TCERG1L: variants seen among roughly 807,000 people sequenced by gnomAD.
TCERG1L encodes transcription elongation regulator 1 like.
In TCERG1L, 37 loss-of-function variants were observed where a neutral mutation model predicts 56.3. That is an observed-to-expected ratio of 0.66 (90% confidence interval 0.51 to 0.87). The LOEUF (loss-of-function observed/expected upper bound fraction) is 0.87, where lower values mean the gene tolerates loss of function less well. Ranked by LOEUF, TCERG1L falls within the 40% of genes least tolerant of loss-of-function variation. TCERG1L has a pLI of 0.00. For missense variants in TCERG1L, 799 were observed against 774.2 expected, an observed-to-expected ratio of 1.03 and a Z score of -0.38; for synonymous variants, 324 against 326.3, an observed-to-expected ratio of 0.99 and a Z score of 0.08.
intron 3 of TCERG1L, among the ~76,000 whole-genome samples, chr10:131,270,497 C>T (rs2133552529): frequency 6.6e-6 from 1 of 152,328 alleles, no homozygotes; most frequent in South Asian, 2.1e-4. Flanking sequence ...ACAAGGATGG[C>T]TTATAAAAAT....
chr10:131,300,252 T>A (rs999291944), intron 3 of TCERG1L, among the ~76,000 whole-genome samples: 8 of 152,218 alleles, frequency 5.3e-5, no homozygotes, highest in African/African-American at 1.9e-4. Context: ...TATGGTTTGC[T>A]GAACTTCTTG....
chr10:131,104,772 A>G (rs141345044), intron 9 of TCERG1L, among the ~76,000 whole-genome samples: 375 of 152,214 alleles, frequency 2.5e-3, no homozygotes, highest in Admixed American at 5.4e-3. Context: ...TCAAAGTTTA[A>G]CCTCTTTTAG....
intron 4 of TCERG1L, among the ~76,000 whole-genome samples, chr10:131,200,912 A>G (rs1845425997): frequency 6.6e-6 from 1 of 152,182 alleles, no homozygotes; most frequent in Admixed American, 6.5e-5. Flanking sequence ...GGAGGCCCTT[A>G]TAAAAGAGGC....
At chr10:131,175,688 C>A (rs925592701) in intron 4 of TCERG1L, among the ~76,000 whole-genome samples, 2 of 152,178 alleles carry the variant, frequency 1.3e-5, no homozygotes, top group Non-Finnish European at 2.9e-5. Context: ...CATATTAAAC[C>A]AGACAATTTC....
At position 131,281,918 on chromosome 10, in the gene TCERG1L, C is replaced by T. The variant is rs201923912; in HGVS notation, c.671-21474G>A. On this transcript the variant is annotated intron_variant, in intron 3 of 11. Coordinates refer to ENST00000368642, the MANE Select transcript of TCERG1L (RefSeq NM_174937.4). ...TTGGGAGGCCGAGGCTGGCGGATCA[C>T]GAGGTCAGGAGATCGAGACCATCCT... 6.0e-4 allele frequency among the ~76,000 whole-genome samples: 92 copies of T among 152,152 alleles called. 1 individual carries two copies. In the East Asian group the frequency reaches 0.011, roughly 19 times the overall value.
At chr10:131,180,307 GC>G (rs1845158679) in intron 4 of TCERG1L, among the ~76,000 whole-genome samples, 1 of 152,238 alleles carries the variant, frequency 6.6e-6, no homozygotes, top group Non-Finnish European at 1.5e-5. Context: ...CAGGAGCGAG[GC>G]CAGCTCAGGC....
chr10:131,194,309 G>A (rs1037900075), intron 4 of TCERG1L, among the ~76,000 whole-genome samples: 1 of 152,260 alleles, frequency 6.6e-6, no homozygotes, highest in African/African-American at 2.4e-5. Context: ...AAGGGAGACA[G>A]GTGATATCCC....
intron 4 of TCERG1L, among the ~76,000 whole-genome samples, chr10:131,206,225 C>T (rs1845524844): frequency 6.6e-6 from 1 of 152,362 alleles, no homozygotes; most frequent in East Asian, 1.9e-4. Context: ...CTCATGGAAA[C>T]ACCATCTTGG....
chr10:131,202,814 A>G (rs550518224), intron 4 of TCERG1L, among the ~76,000 whole-genome samples: 6 of 152,176 alleles, frequency 3.9e-5, no homozygotes, highest in Non-Finnish European at 8.8e-5. Flanking sequence ...TTGATTCTAT[A>G]AGCTTCTAAA....
At chr10:131,226,003 T>G (rs1054641896) in intron 4 of TCERG1L, among the ~76,000 whole-genome samples, 3 of 152,204 alleles carry the variant, frequency 2.0e-5, no homozygotes, top group African/African-American at 7.2e-5. Flanking sequence ...AGTGGTGCCA[T>G]CATGGCTCAC....
At chr10:131,101,963 A>G (rs1845308624) in intron 10 of TCERG1L, among the ~76,000 whole-genome samples, 1 of 152,184 alleles carries the variant, frequency 6.6e-6, no homozygotes, top group South Asian at 2.1e-4. Flanking sequence ...CGGCCTCCCA[A>G]AGGGCTGGGA....
chr10:131,183,562 G>T (rs958563139), intron 4 of TCERG1L, among the ~76,000 whole-genome samples: 1 of 152,084 alleles, frequency 6.6e-6, no homozygotes, highest in Admixed American at 6.5e-5. Flanking sequence ...TCTAATCCCA[G>T]TTCTTCCTCC....
intron 4 of TCERG1L, among the ~76,000 whole-genome samples, chr10:131,233,189 A>C (rs917593843): frequency 2.0e-5 from 3 of 152,202 alleles, no homozygotes; most frequent in African/African-American, 7.2e-5. Flanking sequence ...GTTTTAGTAC[A>C]GATCATACAT....
chr10:131,093,049 G>C lies in TCERG1L; in HGVS notation c.*113C>G. 3 of 1,117,536 alleles carry C rather than the reference G, an allele frequency of 2.7e-6. No homozygotes were observed. The highest frequency in any genetic ancestry group is 3.8e-6 in the Non-Finnish European group (3 of 786,676). 69.2% of individuals were successfully genotyped at this position (1,117,536 alleles called of 1,614,324 possible). A position where few individuals can be genotyped will look rare whatever the true frequency, so the allele number is the denominator to read the frequency against. On this transcript the variant is annotated 3_prime_UTR_variant, in exon 12 of 12. Transcript: ENST00000368642. ...CGAAGACCCCGCAGTGCCGGTGCCC[G>C]CTGGGCCGTGCAGGTCTCGGCCGCC...
intron 4 of TCERG1L, among the ~76,000 whole-genome samples, chr10:131,243,167 C>T (rs1196637448): frequency 1.3e-5 from 2 of 152,136 alleles, no homozygotes; most frequent in East Asian, 1.9e-4. Flanking sequence ...ATCGCCAACT[C>T]GCTCCTGCCT....
intron 9 of TCERG1L, 140 bp downstream of exon 9, chr10:131,116,659 C>T (rs1845461987): frequency 8.6e-7 from 1 of 1,168,472 alleles, no homozygotes; most frequent in Non-Finnish European, 1.2e-6. Flanking sequence ...AAGGAGGACA[C>T]ATCATCTCTC....
chr10:131,099,430 C>G (rs1488246195), intron 10 of TCERG1L, among the ~76,000 whole-genome samples: 1 of 152,228 alleles, frequency 6.6e-6, no homozygotes, highest in Non-Finnish European at 1.5e-5. Flanking sequence ...TAAAAATAAA[C>G]TGAAGATAAG....
At chr10:131,195,672 G>C (rs1348613951) in intron 4 of TCERG1L, among the ~76,000 whole-genome samples, 1 of 152,208 alleles carries the variant, frequency 6.6e-6, no homozygotes, top group Non-Finnish European at 1.5e-5. Flanking sequence ...CTGTGGTCCT[G>C]GCACATGTGC....
intron 8 of TCERG1L, among the ~76,000 whole-genome samples, chr10:131,127,680 G>A (rs540457681): frequency 5.9e-5 from 9 of 152,234 alleles, no homozygotes; most frequent in South Asian, 2.1e-4. Context: ...ACAGCCCCCC[G>A]TCACAATCAC....
Sources: gnomAD v4.1 joint callset for allele counts (sites outside exome capture counted in the v4.1 genomes callset) on GRCh38, gnomAD v4.1.1 for gene constraint, MANE v1.5 for transcripts, NCBI Gene and HGNC (gene_info 2026-07-23, HGNC 2026-07-21) for gene names.